The following PDE6H variants were observed in gnomAD, a reference collection of about 807,000 sequenced individuals.
PDE6H encodes the protein phosphodiesterase 6H, also known as retinal cone rhodopsin-sensitive cGMP 3',5'-cyclic phosphodiesterase subunit gamma.
In PDE6H, 11 loss-of-function variants were observed where a neutral mutation model predicts 9.2. That is an observed-to-expected ratio of 1.19 (90% CI 0.75 to 1.97). The LOEUF (loss-of-function observed/expected upper bound fraction) is 1.97. Ranked by LOEUF, PDE6H falls within the 30% of genes most tolerant of loss-of-function variation. The pLI is 0.00. For synonymous variants in PDE6H, 36 were observed against 33.6 expected, an observed-to-expected ratio of 1.07 and a Z score of -0.25; for missense variants, 98 against 101.5, an observed-to-expected ratio of 0.97 and a Z score of 0.15.
chr12:14,974,551 T>C (rs1864564605), intron 1 of PDE6H, among the ~76,000 whole-genome samples: 1 of 152,212 alleles, frequency 6.6e-6, no homozygotes, highest in African/African-American at 2.4e-5. Flanking sequence ...GAGGTGTAAC[T>C]TCAAAATTAT....
At chr12:14,981,304 A>G in intron 3 of PDE6H, 96 bp from the exon 4 acceptor site, 2 of 818,732 alleles carry the variant, frequency 2.4e-6, no homozygotes, top group Non-Finnish European at 4.3e-6. Flanking sequence ...TGAGCAGGAG[A>G]GAGGAGTGAA....
At chr12:14,978,721 G>T (rs556659120) in intron 2 of PDE6H, among the ~76,000 whole-genome samples, 2 of 151,750 alleles carry the variant, frequency 1.3e-5, no homozygotes, top group Admixed American at 1.3e-4. Context: ...TCTATTCTCC[G>T]AGGCTAAGAC....
At chr12:14,975,246 A>C (rs1864573893) in intron 1 of PDE6H, among the ~76,000 whole-genome samples, 1 of 151,226 alleles carries the variant, frequency 6.6e-6, no homozygotes, top group Admixed American at 6.6e-5. Context: ...ATGCCAGTTC[A>C]ATTTGAATTC....
intron 3 of PDE6H, 73 bp downstream of exon 3, chr12:14,979,292 G>T (rs890644287): frequency 1.0e-6 from 1 of 964,538 alleles, no homozygotes; most frequent in Non-Finnish European, 1.7e-6. Flanking sequence ...CAGGCCTCAA[G>T]GGGCAGTTGA....
intron 2 of PDE6H, 95 bp from the exon 3 acceptor site, chr12:14,979,084 T>G (rs1020761901): frequency 1.2e-6 from 1 of 805,026 alleles, no homozygotes; most frequent in Non-Finnish European, 2.2e-6. Flanking sequence ...AAACCTCTCC[T>G]TCTTCCCCCT....
At chr12:14,977,164 T>C (rs546502660) in intron 1 of PDE6H, among the ~76,000 whole-genome samples, 1 of 152,348 alleles carries the variant, frequency 6.6e-6, no homozygotes, top group South Asian at 2.1e-4. Flanking sequence ...AACTTCTGTA[T>C]GTGCGTGTGT....
intron 1 of PDE6H, among the ~76,000 whole-genome samples, chr12:14,975,827 T>C (rs1263720420): frequency 1.9e-4 from 1 of 5,252 alleles, no homozygotes; most frequent in Non-Finnish European, 9.5e-4. Context: ...TTTTTTTTGT[T>C]TTTTTTTTTT....
intron 2 of PDE6H, among the ~76,000 whole-genome samples, chr12:14,978,348 G>C (rs1305052493): frequency 2.0e-5 from 3 of 152,132 alleles, no homozygotes; most frequent in Admixed American, 1.3e-4. Context: ...CCAGGTCTGT[G>C]GCCGAATTTA....
intron 3 of PDE6H, among the ~76,000 whole-genome samples, chr12:14,980,981 G>A (rs374374234): frequency 2.6e-5 from 4 of 152,230 alleles, no homozygotes; most frequent in African/African-American, 2.4e-5. Context: ...AGAAGAAACC[G>A]ATCTAGATTG....
rs748604756 is a variant in PDE6H, at chr12:14,979,204, G to A, written c.160G>A (p.Glu54Lys). The A allele has an allele frequency of 3.7e-6, 6 of 1,609,094 alleles. No homozygotes were observed. The highest frequency in any genetic ancestry group is 2.2e-5 in the South Asian group (2 of 90,956). The change falls in exon 3 of 4, where the codon GAG (glutamate) becomes AAG (lysine). Residue 54 changes from glutamate (E) to lysine (K), a missense_variant. By Grantham distance (56) the Glu-to-Lys change is moderately conservative. Coordinates refer to ENST00000266395, the MANE Select transcript of PDE6H (RefSeq NM_006205.3). ...KGFGDDIPGM[E>K]GLGTDITVIC... The stretch of plus-strand genomic sequence containing the variant: ...ATTTGGAGATGACATTCCAGGAATG[G>A]AGGGGCTAGGAACAGGTAAGCCATC...
intron 1 of PDE6H, among the ~76,000 whole-genome samples, chr12:14,975,910 T>A (rs1864587243): frequency 6.8e-6 from 1 of 146,890 alleles, no homozygotes; most frequent in Non-Finnish European, 1.5e-5. Flanking sequence ...AAACTCCACC[T>A]CCTGGGTTCA....
At chr12:14,980,330 G>A (rs1224390499) in intron 3 of PDE6H, among the ~76,000 whole-genome samples, 1 of 152,040 alleles carries the variant, frequency 6.6e-6, no homozygotes, top group African/African-American at 2.4e-5. Flanking sequence ...TTAAAATCAC[G>A]GAATGATACT....
chr12:14,980,088 T>G (rs1864658933), intron 3 of PDE6H, among the ~76,000 whole-genome samples: 1 of 152,102 alleles, frequency 6.6e-6, no homozygotes, highest in Admixed American at 6.5e-5. Flanking sequence ...GCAGTACATA[T>G]AGTATCATAC....
intron 1 of PDE6H, among the ~76,000 whole-genome samples, 175 bp from the exon 2 acceptor site, chr12:14,977,795 ACT>A (rs1864618031): frequency 1.3e-5 from 2 of 152,058 alleles, no homozygotes; most frequent in Admixed American, 6.6e-5. Flanking sequence ...ATTGATTTAT[ACT>A]CTGTTTTCTT....
At position 14,981,845 on chromosome 12, in the gene PDE6H, A is replaced by G. The variant is rs571862339; in HGVS notation, c.*369A>G. On this transcript the variant is annotated 3_prime_UTR_variant, in exon 4 of 4. Coordinates refer to ENST00000266395, the MANE Select transcript of PDE6H (RefSeq NM_006205.3). Reference sequence around the variant, plus strand: ...CACTCCCCACCTCCTCATATTTAATAAAGGAGATATTTACCTTGAATGTTG... The same window carrying G: ...CACTCCCCACCTCCTCATATTTAATGAAGGAGATATTTACCTTGAATGTTG... 3.8e-4 allele frequency: 126 copies of G among 335,854 alleles called. No individual in the cohort carries two copies. Among genetic ancestry groups the G allele is most frequent in the Non-Finnish European group, 6.1e-4 (108 of 175,956 alleles). The allele number at this position is 335,854 out of a possible 1,614,324, so 20.8% of individuals were successfully genotyped here.
chr12:14,981,291 C>A (rs756779706), intron 3 of PDE6H, 109 bp from the exon 4 acceptor site: 1 of 797,280 alleles, frequency 1.3e-6, no homozygotes, highest in Non-Finnish European at 2.3e-6. Context: ...AGTCAGGGGA[C>A]AATGAGCAGG....
intron 3 of PDE6H, 138 bp downstream of exon 3, chr12:14,979,357 A>G: frequency 1.4e-6 from 1 of 703,808 alleles, no homozygotes; most frequent in South Asian, 1.5e-5. Flanking sequence ...AAATGTGGGG[A>G]TTTAATTTAC....
intron 1 of PDE6H, among the ~76,000 whole-genome samples, chr12:14,974,510 C>G (rs1864564141): frequency 6.6e-6 from 1 of 152,198 alleles, no homozygotes; most frequent in South Asian, 2.1e-4. Context: ...TATAATGCAT[C>G]ATACTCAGAC....
intron 1 of PDE6H, 98 bp downstream of exon 1, chr12:14,973,184 G>A (rs1864544977): frequency 6.6e-6 from 1 of 152,256 alleles, no homozygotes; most frequent in African/African-American, 2.4e-5. Context: ...AAGAAAACAT[G>A]TTGGACCTGT....
Sources: allele counts gnomAD v4.1 joint callset (sites outside exome capture counted in the v4.1 genomes callset), GRCh38; gene constraint gnomAD v4.1.1; transcripts MANE v1.5; gene names NCBI Gene and HGNC (gene_info 2026-07-23, HGNC 2026-07-21).